LRBA: variants seen among roughly 807,000 people sequenced by gnomAD.
LRBA encodes LPS responsive beige-like anchor protein.
Under a neutral mutation model 330.0 loss-of-function variants are expected in LRBA, and 176 were observed. The observed-to-expected ratio is 0.53, with a 90% confidence interval of 0.47 to 0.60. The LOEUF is 0.60. LRBA is among the 20% of genes least tolerant of loss of function. The pLI is 0.00. For missense variants in LRBA, 3,259 were observed against 3,444.8 expected (o/e 0.95, Z 1.35); for synonymous variants, 1,230 against 1,193.0 (o/e 1.03, Z -0.64).
At chr4:150,721,703 C>T (rs180964489) in intron 36 of LRBA, among the ~76,000 whole-genome samples, 88 of 152,284 alleles carry the variant, frequency 5.8e-4, no homozygotes, top group African/African-American at 2.0e-3. Flanking sequence ...CAGCCTCTGC[C>T]TTCCAGATTC....
At chr4:150,370,191 C>A (rs1166642876) in intron 47 of LRBA, among the ~76,000 whole-genome samples, 1 of 152,050 alleles carries the variant, frequency 6.6e-6, no homozygotes, top group East Asian at 1.9e-4. Context: ...TGGTACTTAC[C>A]CAAATGAGAG....
chr4:150,466,260 C>T (rs372375792), intron 44 of LRBA, among the ~76,000 whole-genome samples: 16 of 150,626 alleles, frequency 1.1e-4, no homozygotes, highest in African/African-American at 3.6e-4. Flanking sequence ...TACTCCTGAA[C>T]ATCTTCCTGG....
chr4:150,449,169 G>A (rs778998583), intron 44 of LRBA, among the ~76,000 whole-genome samples: 2 of 152,016 alleles, frequency 1.3e-5, no homozygotes, highest in Non-Finnish European at 1.5e-5. Context: ...GAAAGAGTAC[G>A]AGCAAAACTA....
intron 40 of LRBA, chr4:150,579,194 C>T (rs1770899889): frequency 2.2e-6 from 1 of 456,596 alleles, no homozygotes; most frequent in Non-Finnish European, 4.4e-6. Context: ...CATCAAGGAG[C>T]TGCTGATGGA....
chr4:150,348,765 C>CA (rs1015801966), intron 48 of LRBA, among the ~76,000 whole-genome samples: 6 of 151,582 alleles, frequency 4.0e-5, no homozygotes, highest in Non-Finnish European at 7.4e-5. Context: ...CCAAAATGAA[C>CA]AAAAAAAAGA....
intron 37 of LRBA, among the ~76,000 whole-genome samples, chr4:150,615,768 T>C (rs1775716230): frequency 1.3e-5 from 2 of 152,090 alleles, no homozygotes; most frequent in African/African-American, 4.8e-5. Context: ...AACTAGACCA[T>C]ATTTCCCAAT....
At chr4:150,454,021 C>G (rs1753726817) in intron 44 of LRBA, among the ~76,000 whole-genome samples, 1 of 152,006 alleles carries the variant, frequency 6.6e-6, no homozygotes, top group Admixed American at 6.6e-5. Flanking sequence ...GAGGGCAGAG[C>G]ACGATCTCCA....
intron 46 of LRBA, among the ~76,000 whole-genome samples, chr4:150,419,605 A>G (rs556575279): frequency 1.3e-5 from 2 of 151,720 alleles, no homozygotes; most frequent in South Asian, 4.2e-4. Context: ...TAATGGTAAA[A>G]AGTTAGCAAT....
rs192599475 is a variant in LRBA, at chr4:150,510,736, G to C, written c.6331-19701C>G. On this transcript the variant is annotated intron_variant, in intron 40 of 56. Coordinates refer to ENST00000651943, the MANE Select transcript of LRBA (RefSeq NM_001364905.1). ...GTTGCCAAAGCACGCTGGGGTGTGAGATGTAGAGCTAAGATATTAGAGGTC... is the reference window on the plus strand; with the variant it reads ...GTTGCCAAAGCACGCTGGGGTGTGACATGTAGAGCTAAGATATTAGAGGTC... 2.1e-3 allele frequency among the ~76,000 whole-genome samples: 315 copies of C among 152,268 alleles called. 3 individuals are homozygous for C. Among genetic ancestry groups the C allele is most frequent in the African/African-American group, 7.3e-3 (303 of 41,552 alleles).
At chr4:150,821,489 T>G (rs1745432863) in intron 30 of LRBA, among the ~76,000 whole-genome samples, 1 of 152,114 alleles carries the variant, frequency 6.6e-6, no homozygotes, top group Admixed American at 6.6e-5. Flanking sequence ...TGCTGGATTT[T>G]TTTTTTCCCC....
At chr4:150,310,623 A>C (rs550779242) in intron 51 of LRBA, 3 of 387,636 alleles carry the variant, frequency 7.7e-6, no homozygotes, top group Non-Finnish European at 1.4e-5. Flanking sequence ...ACTACTATTT[A>C]AAAATAGAAC....
chr4:150,666,164 A>G (rs1781537407), intron 37 of LRBA, among the ~76,000 whole-genome samples: 1 of 152,198 alleles, frequency 6.6e-6, no homozygotes, highest in African/African-American at 2.4e-5. Context: ...CGGTATCCTC[A>G]GGTTCTGCAT....
intron 28 of LRBA, among the ~76,000 whole-genome samples, chr4:150,833,821 C>T (rs561550656): frequency 2.0e-5 from 3 of 151,946 alleles, no homozygotes; most frequent in African/African-American, 2.4e-5. Context: ...TAGCAAGCAA[C>T]GCTGTTTCAT....
At chr4:150,661,936 A>C (rs1781152005) in intron 37 of LRBA, among the ~76,000 whole-genome samples, 1 of 152,002 alleles carries the variant, frequency 6.6e-6, no homozygotes, top group Non-Finnish European at 1.5e-5. Context: ...TTTATTTTTA[A>C]ATACTTGAAC....
intron 28 of LRBA, 150 bp downstream of exon 28, chr4:150,843,950 T>C (rs980599729): frequency 5.8e-6 from 3 of 520,766 alleles, no homozygotes; most frequent in Non-Finnish European, 1.1e-5. Flanking sequence ...ATTCTGTTTC[T>C]AAAATCATTG....
chr4:151,010,354 A>G (rs1744679802), intron 2 of LRBA, among the ~76,000 whole-genome samples: 1 of 152,228 alleles, frequency 6.6e-6, no homozygotes, highest in African/African-American at 2.4e-5. Context: ...AAAGTTTGAC[A>G]AATTACTTTA....
intron 56 of LRBA, among the ~76,000 whole-genome samples, chr4:150,272,583 T>C (rs183675327): frequency 1.4e-3 from 208 of 151,904 alleles, no homozygotes; most frequent in African/African-American, 4.9e-3. Flanking sequence ...GTTAGACGAA[T>C]TGCTAACTAG....
chr4:150,962,257 C>T (rs1394458735), intron 2 of LRBA, among the ~76,000 whole-genome samples: 1 of 149,460 alleles, frequency 6.7e-6, no homozygotes, highest in African/African-American at 2.6e-5. Flanking sequence ...GTGGCTCACA[C>T]CTGTAATCCC....
chr4:150,377,972 A>AG (rs998013922), intron 47 of LRBA, among the ~76,000 whole-genome samples: 2 of 149,152 alleles, frequency 1.3e-5, no homozygotes, highest in African/African-American at 4.9e-5. Context: ...CTCTGTCTCA[A>AG]AAAAAAAAAA....
Sources: gnomAD v4.1 joint callset for allele counts (sites outside exome capture counted in the v4.1 genomes callset) on GRCh38, gnomAD v4.1.1 for gene constraint, MANE v1.5 for transcripts, NCBI Gene and HGNC (gene_info 2026-07-23, HGNC 2026-07-21) for gene names.